The following NRXN1 variants were observed in gnomAD, a reference collection of about 807,000 sequenced individuals.
NRXN1 encodes neurexin 1, also known as neurexin-1.
NRXN1 carries 39 observed loss-of-function variants against 150.9 expected under a neutral mutation model. The observed-to-expected ratio is 0.26, with a 90% confidence interval of 0.20 to 0.34. NRXN1 has a LOEUF of 0.34. Ranked by LOEUF, NRXN1 falls within the 10% of genes least tolerant of loss-of-function variation. The probability of loss-of-function intolerance (pLI) is 1.00; values close to 1 mark genes in which losing one functional copy is unlikely to be tolerated. For missense variants in NRXN1, 1,815 were observed against 1,949.9 expected, an observed-to-expected ratio of 0.93 and a Z score of 1.30; for synonymous variants, 924 against 757.0, an observed-to-expected ratio of 1.22 and a Z score of -3.62.
At chr2:50,485,404 T>C (rs2090794875) in intron 15 of NRXN1, among the ~76,000 whole-genome samples, 1 of 152,208 alleles carries the variant, frequency 6.6e-6, no homozygotes, top group African/African-American at 2.4e-5. Flanking sequence ...TGCAGTGAGT[T>C]TGTGCTCCTA....
At chr2:50,685,510 CTGTT>C (rs1691092760) in intron 5 of NRXN1, among the ~76,000 whole-genome samples, 4 of 152,146 alleles carry the variant, frequency 2.6e-5, no homozygotes, top group Admixed American at 2.6e-4. Flanking sequence ...AACGAGTCAT[CTGTT>C]TCTTTCCAGT....
intron 5 of NRXN1, among the ~76,000 whole-genome samples, chr2:50,862,517 G>C (rs1676290189): frequency 6.6e-6 from 1 of 151,990 alleles, no homozygotes; most frequent in Non-Finnish European, 1.5e-5. Context: ...TCATGTGTAG[G>C]AAGGTCCTGA....
At chr2:50,991,266 A>C (rs1698499795) in intron 2 of NRXN1, among the ~76,000 whole-genome samples, 1 of 152,160 alleles carries the variant, frequency 6.6e-6, no homozygotes, top group Non-Finnish European at 1.5e-5. Context: ...TCCACATTTT[A>C]AAAAATAAGG....
At chr2:50,368,649 A>G (rs1317432622) in intron 17 of NRXN1, among the ~76,000 whole-genome samples, 5 of 152,008 alleles carry the variant, frequency 3.3e-5, no homozygotes, top group Admixed American at 2.6e-4. Context: ...AGTCTAAAGT[A>G]ACAGAGAGTA....
rs536411152 is a variant in NRXN1 at position 50,521,767 on chromosome 2, C to T, written c.2374+6858G>A. 7.6e-4 allele frequency among the ~76,000 whole-genome samples: 116 copies of T among 152,254 alleles called. 1 individual carries two copies. Among genetic ancestry groups the T allele is most frequent in the African/African-American group, 2.6e-3 (107 of 41,556 alleles). On this transcript the variant is annotated intron_variant, in intron 12 of 22. Coordinates refer to ENST00000401669, the MANE Select transcript of NRXN1 (RefSeq NM_001330078.2). ...TGCTTGTGTAGAAAGCTTGCTGCTC[C>T]TACATCTGCTCTGAGGAGAGTGTAT...
chr2:50,187,371 G>T (rs922531539), intron 18 of NRXN1, among the ~76,000 whole-genome samples: 4 of 152,030 alleles, frequency 2.6e-5, no homozygotes, highest in Admixed American at 2.0e-4. Flanking sequence ...TCTCCACAAA[G>T]AGCTCATTTT....
chr2:50,300,219 T>C (rs2074024030), intron 17 of NRXN1, among the ~76,000 whole-genome samples: 1 of 152,240 alleles, frequency 6.6e-6, no homozygotes, highest in Non-Finnish European at 1.5e-5. Context: ...AAATGTCATT[T>C]TAACTTTTTA....
intron 5 of NRXN1, among the ~76,000 whole-genome samples, chr2:50,817,357 T>A (rs1669082259): frequency 6.6e-6 from 1 of 152,032 alleles, no homozygotes; most frequent in South Asian, 2.1e-4. Context: ...ATTAAATCAG[T>A]AATTAAAAGC....
intron 18 of NRXN1, among the ~76,000 whole-genome samples, chr2:50,200,789 CTAAATT>C (rs2062103982): frequency 6.6e-6 from 1 of 152,136 alleles, no homozygotes; most frequent in Non-Finnish European, 1.5e-5. Flanking sequence ...CTTTAGAACA[CTAAATT>C]TAAAGTCATT....
intron 10 of NRXN1, among the ~76,000 whole-genome samples, chr2:50,534,207 T>A (rs1398033997): frequency 6.6e-6 from 1 of 152,144 alleles, no homozygotes; most frequent in Non-Finnish European, 1.5e-5. Flanking sequence ...GTATTTATTC[T>A]GCTTATTGCA....
chr2:50,277,495 TCTTTTTCCTTCCTTCCTTC>T (rs145763314), intron 17 of NRXN1, among the ~76,000 whole-genome samples: 2,374 of 107,764 alleles, frequency 0.022, 125 homozygotes, highest in African/African-American at 0.041. Context: ...TTTCTTCCCT[TCTTTTTCCTTCCTTCCTTC>T]CTTTTTCCTT....
chr2:50,867,448 C>G lies in NRXN1; in HGVS notation c.832+54421G>C, dbSNP rs577461020. Among the ~76,000 whole-genome samples, 13 of 151,928 alleles carry G rather than the reference C, an allele frequency of 8.6e-5. No individual in the cohort carries two copies. The East Asian group carries it at 2.5e-3, about 30-fold the overall frequency. ...GAGAACTGTGAAGAAATTAAAGGAC[C>G]TTTAATGGATTAAAAACAAAAAGCC... On this transcript the variant is annotated intron_variant, in intron 5 of 22. Coordinates refer to ENST00000401669, the MANE Select transcript of NRXN1 (RefSeq NM_001330078.2).
chr2:50,938,537 A>G (rs1296432337), intron 2 of NRXN1, among the ~76,000 whole-genome samples: 1 of 152,192 alleles, frequency 6.6e-6, no homozygotes, highest in East Asian at 1.9e-4. Flanking sequence ...TTTCTTCCAC[A>G]TTTTTGGGTA....
intron 8 of NRXN1, among the ~76,000 whole-genome samples, chr2:50,617,940 A>C (rs1157047572): frequency 2.0e-5 from 3 of 152,228 alleles, no homozygotes; most frequent in African/African-American, 7.2e-5. Flanking sequence ...CTTATGCAGA[A>C]TTATCAGAAG....
intron 18 of NRXN1, among the ~76,000 whole-genome samples, chr2:50,177,905 T>C (rs909032370): frequency 1.3e-5 from 2 of 148,512 alleles, no homozygotes; most frequent in African/African-American, 2.5e-5. Flanking sequence ...AGGAAGCATA[T>C]GAGGCAGCAT....
intron 8 of NRXN1, among the ~76,000 whole-genome samples, chr2:50,555,906 C>G (rs754613306): frequency 1.3e-5 from 2 of 152,062 alleles, no homozygotes; most frequent in African/African-American, 2.4e-5. Context: ...CCTTTTAGAA[C>G]GAAGAATGCC....
Position 50,719,756 on chromosome 2 carries a change from A to G in NRXN1, c.833-96141T>C, listed in dbSNP as rs76214245. Among the ~76,000 whole-genome samples, 703 of 152,294 alleles carry G rather than the reference A, an allele frequency of 4.6e-3. 9 individuals are homozygous for G. The highest frequency in any genetic ancestry group is 0.016 in the African/African-American group (681 of 41,576). Reference sequence around the variant, plus strand: ...ATTCTTGATTGGGATTATTAGCATAAAAGTATCTGAGAAATTGCACATAAC... The same window carrying G: ...ATTCTTGATTGGGATTATTAGCATAGAAGTATCTGAGAAATTGCACATAAC... On this transcript the variant is annotated intron_variant, in intron 5 of 22. Coordinates refer to ENST00000401669, the MANE Select transcript of NRXN1 (RefSeq NM_001330078.2).
chr2:50,872,879 G>A (rs752241623), intron 5 of NRXN1, among the ~76,000 whole-genome samples: 9 of 151,856 alleles, frequency 5.9e-5, no homozygotes, highest in East Asian at 2.0e-4. Flanking sequence ...GAATTTACAC[G>A]GTCAACAATC....
chr2:50,262,825 G>A (rs11897898), intron 17 of NRXN1, among the ~76,000 whole-genome samples: 26,109 of 151,858 alleles, frequency 0.17, 2,854 homozygotes, highest in African/African-American at 0.32. Flanking sequence ...AATTCCCATT[G>A]TAAGATAATC....
Sources: allele counts gnomAD v4.1 joint callset (sites outside exome capture counted in the v4.1 genomes callset), GRCh38; gene constraint gnomAD v4.1.1; transcripts MANE v1.5; gene names NCBI Gene and HGNC (gene_info 2026-07-23, HGNC 2026-07-21).